Variants in CCNYL1 observed in about 807,000 individuals in gnomAD.
CCNYL1 encodes the protein cyclin Y like 1.
CCNYL1 carries 16 observed loss-of-function variants against 44.2 expected under a neutral mutation model. The observed-to-expected ratio is 0.36, with a 90% CI of 0.25 to 0.55. CCNYL1 has a LOEUF of 0.55. CCNYL1 is among the 20% of genes least tolerant of loss of function. CCNYL1 has a pLI of 0.85. For missense variants in CCNYL1, 348 were observed against 451.8 expected (o/e 0.77, Z 2.08); for synonymous variants, 159 against 163.2 (o/e 0.97, Z 0.20).
intron 9 of CCNYL1, among the ~76,000 whole-genome samples, chr2:207,752,897 G>T (rs1446665391): frequency 7.4e-6 from 1 of 134,880 alleles, no homozygotes; most frequent in Non-Finnish European, 1.7e-5. Context: ...AAATTAGCTG[G>T]GTATGGTGGC....
chr2:207,731,191 C>T (rs1401710762), intron 3 of CCNYL1, among the ~76,000 whole-genome samples: 1 of 149,482 alleles, frequency 6.7e-6, no homozygotes, highest in African/African-American at 2.5e-5. Context: ...TTTTTTGAGA[C>T]GGATTCTGTA....
Position 207,712,869 on chromosome 2 carries a change from G to A in CCNYL1, c.220+753G>A, listed in dbSNP as rs532778743. Among the ~76,000 whole-genome samples the A allele has an allele frequency of 2.6e-5, 4 of 152,350 alleles. 1 individual carries two copies. In the Middle Eastern group the frequency reaches 0.01, roughly 389 times the overall value. ...TTTTGTCGCCCGCCCAGGCTGGAGT[G>A]CAGTGGCGCGATCTCGGCTCGCTGC... On this transcript the variant is annotated intron_variant, in intron 1 of 9. Transcript: ENST00000295414.
intron 8 of CCNYL1, among the ~76,000 whole-genome samples, chr2:207,747,473 A>AT (rs2091862254): frequency 6.6e-6 from 1 of 151,354 alleles, no homozygotes; most frequent in Admixed American, 6.6e-5. Flanking sequence ...ATTGAAAAAT[A>AT]TTTTTTGGGT....
intron 1 of CCNYL1, among the ~76,000 whole-genome samples, chr2:207,720,447 C>T (rs1192647702): frequency 6.0e-5 from 9 of 149,834 alleles, no homozygotes; most frequent in Non-Finnish European, 1.0e-4. Context: ...CTCTGCCTGT[C>T]GCCCAGGCTG....
At chr2:207,712,276 G>C (rs1309052612) in intron 1 of CCNYL1, among the ~76,000 whole-genome samples, 160 bp downstream of exon 1, 1 of 152,042 alleles carries the variant, frequency 6.6e-6, no homozygotes, top group African/African-American at 2.4e-5. Flanking sequence ...CCTTATTCTT[G>C]CCCTGCTGCG....
At chr2:207,739,806 G>A (rs2091794534) in intron 5 of CCNYL1, among the ~76,000 whole-genome samples, 1 of 152,218 alleles carries the variant, frequency 6.6e-6, no homozygotes, top group East Asian at 1.9e-4. Flanking sequence ...AGGCAGTAAA[G>A]AGTAGCATAA....
Position 207,712,027 on chromosome 2 carries a change from C to A in CCNYL1, c.131C>A (p.Ala44Glu). The A allele has an allele frequency of 6.6e-7, 1 of 1,504,690 alleles. No homozygotes were observed. Among genetic ancestry groups the A allele is most frequent in the Admixed American group, 2.2e-5 (1 of 46,450 alleles). 93.2% of individuals were successfully genotyped at this position (1,504,690 alleles called of 1,614,324 possible). A position where few individuals can be genotyped will look rare whatever the true frequency, so the allele number is the denominator to read the frequency against. Reference sequence around the variant, plus strand: ...GTGTCCGGGGACGCGGTGGCGGTAGCGCCCGCTGTGGTGGAGCCTGCCGAG... The same window carrying A: ...GTGTCCGGGGACGCGGTGGCGGTAGAGCCCGCTGTGGTGGAGCCTGCCGAG... ...EAVSGDAVAV[A>E]PAVVEPAELD... The change falls in exon 1 of 10, where the codon GCG (alanine) becomes GAG (glutamate). Residue 44 changes from alanine (A) to glutamate (E), a missense_variant. Physicochemically the swap from Ala to Glu is moderately radical, Grantham distance 107. This residue lies in a region of CCNYL1 where 209 missense variants were observed against 247.7 expected (regional missense o/e 0.84). Transcript: ENST00000295414.
chr2:207,753,545 T>G, intron 9 of CCNYL1, 43 bp from the exon 10 acceptor site: 1 of 1,366,054 alleles, frequency 7.3e-7, no homozygotes, highest in Non-Finnish European at 1.0e-6. Flanking sequence ...GCGGGAACCC[T>G]TTTTAAAATT....
At chr2:207,736,351 G>A (rs2091764512) in intron 4 of CCNYL1, among the ~76,000 whole-genome samples, 2 of 152,164 alleles carry the variant, frequency 1.3e-5, no homozygotes, top group South Asian at 4.1e-4. Context: ...GAGGGCAAAT[G>A]GAAGCATATA....
chr2:207,738,771 G>A (rs2091785299), intron 5 of CCNYL1, among the ~76,000 whole-genome samples: 1 of 151,454 alleles, frequency 6.6e-6, no homozygotes, highest in Non-Finnish European at 1.5e-5. Context: ...CCAGGCTGGA[G>A]TGCAGTGGTG....
intron 9 of CCNYL1, among the ~76,000 whole-genome samples, chr2:207,752,863 C>T (rs529266687): frequency 2.0e-5 from 3 of 151,790 alleles, no homozygotes; most frequent in Non-Finnish European, 4.4e-5. Context: ...CATGGTGAAA[C>T]CCTGTCTCTA....
At chr2:207,731,122 C>G (rs561982179) in intron 3 of CCNYL1, among the ~76,000 whole-genome samples, 1 of 152,028 alleles carries the variant, frequency 6.6e-6, no homozygotes, top group South Asian at 2.1e-4. Context: ...GGAGGTGTTT[C>G]ATTAATGCAC....
intron 6 of CCNYL1, among the ~76,000 whole-genome samples, chr2:207,741,648 C>G (rs1340292586): frequency 2.6e-5 from 4 of 151,836 alleles, no homozygotes; most frequent in Non-Finnish European, 5.9e-5. Flanking sequence ...AGTTTGAGAC[C>G]AGCCTGGCCA....
intron 1 of CCNYL1, among the ~76,000 whole-genome samples, chr2:207,723,874 CAAAAAA>C (rs58432475): frequency 1.9e-5 from 1 of 53,334 alleles, no homozygotes; most frequent in African/African-American, 5.9e-5. Flanking sequence ...GACTCCATCT[CAAAAAA>C]AAAAAAAAAA....
intron 8 of CCNYL1, among the ~76,000 whole-genome samples, chr2:207,749,157 G>C (rs2105841357): frequency 6.6e-6 from 1 of 152,314 alleles, no homozygotes; most frequent in East Asian, 1.9e-4. Flanking sequence ...AAGAAGACCA[G>C]TTCTAAATAG....
intron 6 of CCNYL1, among the ~76,000 whole-genome samples, chr2:207,741,965 A>G (rs1271925910): frequency 6.6e-6 from 1 of 151,970 alleles, no homozygotes; most frequent in Non-Finnish European, 1.5e-5. Flanking sequence ...AGCCTGACCA[A>G]CATGTTGAAA....
intron 4 of CCNYL1, among the ~76,000 whole-genome samples, chr2:207,735,474 AC>A (rs955897057): frequency 7.2e-5 from 11 of 152,232 alleles, no homozygotes; most frequent in African/African-American, 2.7e-4. Context: ...AGGCATAATT[AC>A]ACAGACAAGC....
intron 1 of CCNYL1, among the ~76,000 whole-genome samples, chr2:207,723,933 C>T (rs2091660779): frequency 6.7e-6 from 1 of 149,942 alleles, no homozygotes; most frequent in Non-Finnish European, 1.5e-5. Flanking sequence ...TTATTTTTTC[C>T]CCTCGTGACA....
chr2:207,748,935 G>C (rs1185014801), intron 8 of CCNYL1, among the ~76,000 whole-genome samples: 2 of 152,206 alleles, frequency 1.3e-5, no homozygotes, highest in East Asian at 3.9e-4. Context: ...GATCACTGCT[G>C]TCATCCGTCT....
Sources: gnomAD v4.1 joint callset for allele counts (sites outside exome capture counted in the v4.1 genomes callset) on GRCh38, gnomAD v4.1.1 for gene constraint, gnomAD v4.1.1 regional missense constraint, MANE v1.5 for transcripts, NCBI Gene and HGNC (gene_info 2026-07-23, HGNC 2026-07-21) for gene names.